DLG2: variants seen among roughly 807,000 people sequenced by gnomAD.
DLG2 encodes disks large homolog 2.
In DLG2, 45 loss-of-function variants were observed where a neutral mutation model predicts 132.5. The ratio of observed to expected loss-of-function variants is 0.34; its 90% CI spans 0.27 to 0.44. The LOEUF (loss-of-function observed/expected upper bound fraction) is 0.44. Ranked by LOEUF, DLG2 falls within the 20% of genes least tolerant of loss-of-function variation. DLG2 has a pLI of 1.00. For missense variants in DLG2, 1,045 were observed against 1,196.9 expected, an observed-to-expected ratio of 0.87 and a Z score of 1.87; for synonymous variants, 424 against 419.6, an observed-to-expected ratio of 1.01 and a Z score of -0.13.
intron 7 of DLG2, among the ~76,000 whole-genome samples, chr11:84,445,870 G>C (rs936643675): frequency 2.8e-5 from 4 of 144,866 alleles, no homozygotes; most frequent in Non-Finnish European, 4.5e-5. Flanking sequence ...GAGCCGAGAT[G>C]GTGTCACTGC....
intron 6 of DLG2, among the ~76,000 whole-genome samples, chr11:84,604,223 G>A (rs967496566): frequency 6.6e-6 from 1 of 151,834 alleles, no homozygotes; most frequent in African/African-American, 2.4e-5. Flanking sequence ...TGATACCAGA[G>A]GAATCAACAG....
intron 6 of DLG2, among the ~76,000 whole-genome samples, chr11:84,806,352 A>AG (rs1212031650): frequency 2.0e-5 from 3 of 152,206 alleles, no homozygotes; most frequent in African/African-American, 7.2e-5. Flanking sequence ...AATAGGATAA[A>AG]TGGAAAGAAA....
chr11:85,112,651 C>T (rs1490516648), intron 5 of DLG2, among the ~76,000 whole-genome samples: 1 of 151,992 alleles, frequency 6.6e-6, no homozygotes, highest in Non-Finnish European at 1.5e-5. Context: ...TATTACTAGT[C>T]CCCACAATAA....
intron 3 of DLG2, among the ~76,000 whole-genome samples, chr11:85,430,765 G>A (rs2101282): frequency 0.013 from 1,927 of 148,914 alleles, 21 homozygotes; most frequent in Non-Finnish European, 0.021. Flanking sequence ...AAGGGGGACT[G>A]AACTGTAAAG....
intron 22 of DLG2, among the ~76,000 whole-genome samples, chr11:83,474,627 C>T (rs1256283202): frequency 6.6e-6 from 1 of 152,062 alleles, no homozygotes; most frequent in East Asian, 1.9e-4. Flanking sequence ...GAGTTTTATT[C>T]ATCACCATGT....
At chr11:84,415,959 T>C (rs1457364738) in intron 7 of DLG2, among the ~76,000 whole-genome samples, 1 of 152,176 alleles carries the variant, frequency 6.6e-6, no homozygotes, top group Non-Finnish European at 1.5e-5. Flanking sequence ...GCTGTTATTT[T>C]TTTCCTCCTT....
intron 7 of DLG2, among the ~76,000 whole-genome samples, chr11:84,335,011 C>T (rs1048035719): frequency 1.3e-5 from 2 of 151,688 alleles, no homozygotes; most frequent in African/African-American, 2.4e-5. Flanking sequence ...TTCCAAAATG[C>T]AAATAGCTAA....
chr11:84,608,836 G>A (rs79921897), intron 6 of DLG2, among the ~76,000 whole-genome samples: 31 of 152,284 alleles, frequency 2.0e-4, no homozygotes, highest in African/African-American at 7.5e-4. Context: ...GCCAAGCACT[G>A]TTTCAAGTGC....
At chr11:85,242,357 T>C (rs2075927570) in intron 4 of DLG2, among the ~76,000 whole-genome samples, 1 of 152,002 alleles carries the variant, frequency 6.6e-6, no homozygotes, top group Admixed American at 6.6e-5. Flanking sequence ...TGTTTTCTAT[T>C]ATGTATCTTG....
chr11:84,347,003 A>C (rs1174735785), intron 7 of DLG2, among the ~76,000 whole-genome samples: 1 of 152,188 alleles, frequency 6.6e-6, no homozygotes, highest in East Asian at 1.9e-4. Flanking sequence ...ATAATATTTA[A>C]AAAGTAATTA....
chr11:85,172,266 C>T (rs1288935054), intron 4 of DLG2, among the ~76,000 whole-genome samples: 2 of 152,188 alleles, frequency 1.3e-5, no homozygotes, highest in Non-Finnish European at 2.9e-5. Context: ...AGAAGGCTAC[C>T]CTCTTTGCTG....
intron 15 of DLG2, among the ~76,000 whole-genome samples, chr11:83,902,522 A>T (rs7933528): frequency 0.3 from 46,246 of 152,068 alleles, 7,194 homozygotes; most frequent in East Asian, 0.48. Context: ...CAGAATGATA[A>T]GTGATTTTAA....
intron 9 of DLG2, among the ~76,000 whole-genome samples, chr11:84,101,648 C>T (rs1482075467): frequency 6.6e-6 from 1 of 151,940 alleles, no homozygotes; most frequent in Non-Finnish European, 1.5e-5. Flanking sequence ...CTTAATGAGG[C>T]AGTTCTCTAA....
At chr11:85,370,494 A>G (rs1224752792) in intron 3 of DLG2, among the ~76,000 whole-genome samples, 2 of 152,200 alleles carry the variant, frequency 1.3e-5, no homozygotes, top group African/African-American at 4.8e-5. Flanking sequence ...TAAATTGAGC[A>G]CTCAAATAAA....
At chr11:84,657,202 A>C (rs977184504) in intron 6 of DLG2, among the ~76,000 whole-genome samples, 5 of 152,188 alleles carry the variant, frequency 3.3e-5, no homozygotes, top group Non-Finnish European at 7.4e-5. Flanking sequence ...TAATAAAAAT[A>C]AACCTATTTT....
chr11:85,130,371 T>G (rs575411383), intron 5 of DLG2, among the ~76,000 whole-genome samples: 4 of 151,896 alleles, frequency 2.6e-5, no homozygotes, highest in Non-Finnish European at 5.9e-5. Context: ...GTATGTCCAG[T>G]AGGGGAAAAT....
intron 16 of DLG2, among the ~76,000 whole-genome samples, chr11:83,840,140 T>C (rs532683955): frequency 3.3e-5 from 5 of 152,198 alleles, no homozygotes; most frequent in Non-Finnish European, 7.3e-5. Context: ...CAACCATCAC[T>C]TCTCTGAATC....
At chr11:83,895,024 A>C (rs1359932451) in intron 15 of DLG2, among the ~76,000 whole-genome samples, 2 of 151,874 alleles carry the variant, frequency 1.3e-5, no homozygotes, top group Non-Finnish European at 2.9e-5. Context: ...ATTTTTAAAA[A>C]TTTTCTTCTG....
chr11:84,158,097 T>C (rs1490258206), intron 9 of DLG2, among the ~76,000 whole-genome samples: 1 of 151,992 alleles, frequency 6.6e-6, no homozygotes, highest in Non-Finnish European at 1.5e-5. Context: ...GGAGTCTCAC[T>C]CTGTTGCCCA....
Sources: gnomAD v4.1 joint callset for allele counts (sites outside exome capture counted in the v4.1 genomes callset) on GRCh38, gnomAD v4.1.1 for gene constraint, MANE v1.5 for transcripts, NCBI Gene and HGNC (gene_info 2026-07-23, HGNC 2026-07-21) for gene names.